FGFR4: variants seen among roughly 807,000 people sequenced by gnomAD.
FGFR4 encodes the protein fibroblast growth factor receptor 4.
In FGFR4, 63 loss-of-function variants were observed where a neutral mutation model predicts 89.9. The observed-to-expected ratio is 0.70, with a 90% CI of 0.57 to 0.86. The LOEUF (loss-of-function observed/expected upper bound fraction) is 0.86, where lower values mean the gene tolerates loss of function less well. Ranked by LOEUF, FGFR4 falls within the 40% of genes least tolerant of loss-of-function variation. The probability of loss-of-function intolerance (pLI) is 0.00; values close to 1 mark genes in which losing one functional copy is unlikely to be tolerated. For missense variants in FGFR4, 928 were observed against 1,106.7 expected (o/e 0.84, Z 2.29); for synonymous variants, 486 against 479.4 (o/e 1.01, Z -0.18).
rs1784366431 is a variant in FGFR4, at chr5:177,091,530, C to T, written c.604-155C>T. ...GCTCAAGCGCCCTGGGGAGCCTACTCCTTTGTGCCATAGTCCTTGGCCTGG... is the reference window on the plus strand; with the variant it reads ...GCTCAAGCGCCCTGGGGAGCCTACTTCTTTGTGCCATAGTCCTTGGCCTGG... On this transcript the variant is annotated intron_variant, in intron 5 of 17. Transcript: ENST00000292408. 1.3e-5 allele frequency among the ~76,000 whole-genome samples: 2 copies of T among 152,352 alleles called. 1 individual carries two copies. The highest frequency in any genetic ancestry group is 6.8e-3 in the Middle Eastern group (2 of 294).
chr5:177,092,989 G>A (rs1784420763), intron 8 of FGFR4, 149 bp from the exon 9 acceptor site: 3 of 1,290,238 alleles, frequency 2.3e-6, no homozygotes, highest in Non-Finnish European at 3.3e-6. Flanking sequence ...CTGAGGTGTG[G>A]GTGCCTGGGA....
rs953406108 is a variant in FGFR4 at position 177,095,531 on chromosome 5, A to G, written c.1631-2A>G. 1.9e-6 allele frequency: 3 copies of G among 1,611,620 alleles called. No homozygotes were observed. Among genetic ancestry groups the G allele is most frequent in the Admixed American group, 1.7e-5 (1 of 59,806 alleles). On this transcript the variant is annotated splice_acceptor_variant, in intron 12 of 17. Transcript: ENST00000292408. LOFTEE classifies it high-confidence loss of function. This position sits in a 1 kb window ranked among gnomAD's most constrained non-coding sequence, Gnocchi z 5.7. ...TCCACGCTCCCTCCACTCCCTCTGC[A>G]GGGCCCCTGTACGTGATCGTGGAGT... is the stretch of plus-strand genomic sequence containing the variant.
chr5:177,096,015 A>G, intron 13 of FGFR4, 42 bp from the exon 14 acceptor site: 1 of 1,597,878 alleles, frequency 6.3e-7, no homozygotes, highest in Non-Finnish European at 8.5e-7. Context: ...GCTCAACTCC[A>G]GGCCAGGTGT....
chr5:177,090,648 C>T lies in FGFR4; in HGVS notation c.350C>T (p.Thr117Ile), dbSNP rs144853017. The T allele has an allele frequency of 4.6e-6, 7 of 1,522,940 alleles. No individual in the cohort carries two copies. In the African/African-American group the frequency reaches 8.4e-5, roughly 18 times the overall value. 94.3% of individuals were successfully genotyped at this position (1,522,940 alleles called of 1,614,324 possible). A position where few individuals can be genotyped will look rare whatever the true frequency, so the allele number is the denominator to read the frequency against. The change falls in exon 3 of 18, where the codon ACA (threonine) becomes ATA (isoleucine). Residue 117 changes from threonine to isoleucine, a missense_variant. Coordinates refer to ENST00000292408, the MANE Select transcript of FGFR4 (RefSeq NM_213647.3). The stretch of plus-strand genomic sequence containing the variant: ...GTCCTGCAGAATCTCACCTTGATTA[C>T]AGGTGGTAAGAGACTCTAGCAGGGA... Reference protein sequence around the residue: ...MIVLQNLTLITGDSLTSSNDD... With the variant: ...MIVLQNLTLIIGDSLTSSNDD...
rs1158627936 is a variant in FGFR4, at chr5:177,087,286, G to A, written c.-54+209G>A. On this transcript the variant is annotated intron_variant, in intron 1 of 17. Coordinates refer to ENST00000292408, the MANE Select transcript of FGFR4 (RefSeq NM_213647.3). This position sits in a 1 kb window ranked among gnomAD's most constrained non-coding sequence, Gnocchi z 6.1. ...CAAAGAGCACCCCGGCCGCGGAGCT[G>A]GTTACTCATTGCCCACCGAGGCGGG... 6.6e-6 allele frequency: 1 copy of A among 152,400 alleles called. No individual in the cohort carries two copies. The highest frequency in any genetic ancestry group is 1.9e-4 in the East Asian group (1 of 5,192). 9.4% of individuals were successfully genotyped at this position (152,400 alleles called of 1,614,324 possible).
At chr5:177,094,998 CA>C in intron 11 of FGFR4, 1 of 297,198 alleles carries the variant, frequency 3.4e-6, no homozygotes, top group Middle Eastern at 1.1e-3. Flanking sequence ...CCTCCAGCGG[CA>C]GCTTCCTTCC....
At position 177,095,178 on chromosome 5, in the gene FGFR4, T is replaced by C; in HGVS notation, c.1520-152T>C. The C allele has an allele frequency of 1.5e-6, 1 of 666,046 alleles. No homozygotes were observed. The highest frequency in any genetic ancestry group is 2.7e-6 in the Non-Finnish European group (1 of 366,478). 41.3% of individuals were successfully genotyped at this position (666,046 alleles called of 1,614,324 possible). A position where few individuals can be genotyped will look rare whatever the true frequency, so the allele number is the denominator to read the frequency against. On this transcript the variant is annotated intron_variant, in intron 11 of 17. Transcript: ENST00000292408. The surrounding 1 kb of genome is among the most constrained non-coding windows in gnomAD (Gnocchi z 5.7). ...AGACGAACCTGAGGTTCAGAGACGC[T>C]AGGAGACTTTTTCAAGGCCACACAG... is the stretch of plus-strand genomic sequence containing the variant.
chr5:177,097,566 T>C lies in FGFR4; in HGVS notation c.2299T>C (p.Ser767Pro). ...LRLTFGPYSP[S>P]GGDASSTCSS... ...CCTGACCTTCGGACCCTATTCCCCC[T>C]CTGGTGGGGACGCCAGCAGCACCTG... The change falls in exon 18 of 18, where the codon TCT becomes CCT. Residue 767 changes from serine to proline, a missense_variant. Coordinates refer to ENST00000292408, the MANE Select transcript of FGFR4 (RefSeq NM_213647.3). The C allele has an allele frequency of 6.2e-7, 1 of 1,613,962 alleles. No individual in the cohort carries two copies. Among genetic ancestry groups the C allele is most frequent in the Non-Finnish European group, 8.5e-7 (1 of 1,179,974 alleles).
Position 177,095,366 on chromosome 5 carries a change from C to T in FGFR4, c.1556C>T (p.Ser519Leu), listed in dbSNP as rs1562074301. The change falls in exon 12 of 18, where the codon TCG (serine) becomes TTG (leucine). Residue 519 changes from serine (S) to leucine (L), a missense_variant. Transcript: ENST00000292408. This position sits in a 1 kb window ranked among gnomAD's most constrained non-coding sequence, Gnocchi z 5.7. ...ASDKDLADLV[S>L]EMEVMKLIGR... ...GACAAGGACCTGGCCGACCTGGTCT[C>T]GGAGATGGAGGTGATGAAGCTGATC... 4 of 1,614,166 alleles carry T rather than the reference C, an allele frequency of 2.5e-6. No homozygotes were observed. Among genetic ancestry groups the T allele is most frequent in the Non-Finnish European group, 3.4e-6 (4 of 1,180,022 alleles).
chr5:177,094,537 G>T lies in FGFR4; in HGVS notation c.1519+762G>T, dbSNP rs996648473. ...TCAGCCTCCCTTGGACCCTCCCTAG[G>T]TCTGCCCCCCACGTCCACTGCTGTA... On this transcript the variant is annotated intron_variant, in intron 11 of 17. Coordinates refer to ENST00000292408, the MANE Select transcript of FGFR4 (RefSeq NM_213647.3). 4.0e-5 allele frequency among the ~76,000 whole-genome samples: 6 copies of T among 151,658 alleles called. No homozygotes were observed. The South Asian group carries it at 1.3e-3, about 32-fold the overall frequency.
chr5:177,097,504 C>T (rs745483305), intron 17 of FGFR4, 23 bp from the exon 18 acceptor site: 1 of 1,608,476 alleles, frequency 6.2e-7, no homozygotes, highest in African/African-American at 1.3e-5. Context: ...GCTGCAGAGG[C>T]TGACCAGCTC....
rs924965465 is a variant in FGFR4, at chr5:177,091,824, G to A, written c.727+16G>A. The A allele has an allele frequency of 1.9e-6, 3 of 1,613,732 alleles. No homozygotes were observed. In the African/African-American group the frequency reaches 4.0e-5, roughly 22 times the overall value. ...GATGTGCTGGGTGAGCGCGGGGCTG[G>A]GAACAGGGGAGGCCTGACCCATTTT... On this transcript the variant is annotated intron_variant, in intron 6 of 17. Transcript: ENST00000292408.
intron 6 of FGFR4, 150 bp downstream of exon 6, chr5:177,091,958 T>C (rs1310491172): frequency 9.5e-7 from 1 of 1,056,676 alleles, no homozygotes; most frequent in Non-Finnish European, 1.4e-6. Flanking sequence ...CAGGGGTTAG[T>C]GTGGGGCTGG....
intron 16 of FGFR4, among the ~76,000 whole-genome samples, 161 bp downstream of exon 16, chr5:177,096,902 C>T (rs866509866): frequency 6.3e-4 from 71 of 112,272 alleles, no homozygotes; most frequent in Middle Eastern, 4.5e-3. Context: ...CCTCCTCCTC[C>T]TCTTCCTCCT....
intron 14 of FGFR4, 49 bp downstream of exon 14, chr5:177,096,228 C>A (rs747444706): frequency 6.2e-7 from 1 of 1,612,912 alleles, no homozygotes; most frequent in Non-Finnish European, 8.5e-7. Flanking sequence ...GCACTGGGCC[C>A]GGGGTGGCAG....
At chr5:177,096,505 C>A in intron 15 of FGFR4, 99 bp from the exon 16 acceptor site, 1 of 1,539,076 alleles carries the variant, frequency 6.5e-7, no homozygotes, top group Non-Finnish European at 8.9e-7. Flanking sequence ...GGAGCCCATT[C>A]CCCAACAGCT....
At position 177,095,144 on chromosome 5, in the gene FGFR4, T is replaced by G. The variant is rs571525631; in HGVS notation, c.1520-186T>G. ...AGGCAGGGTGTGACCCACTGCTCTG[T>G]TTCCCACAAGACGAACCTGAGGTTC... is the stretch of plus-strand genomic sequence containing the variant. On this transcript the variant is annotated intron_variant, in intron 11 of 17. Transcript: ENST00000292408. The surrounding 1 kb of genome is among the most constrained non-coding windows in gnomAD (Gnocchi z 5.7). The G allele has an allele frequency of 6.3e-5, 38 of 607,090 alleles. No individual in the cohort carries two copies. The highest frequency in any genetic ancestry group is 5.1e-4 in the African/African-American group (28 of 54,400). 37.6% of individuals were successfully genotyped at this position (607,090 alleles called of 1,614,324 possible).
rs979823767 is a variant in FGFR4, at chr5:177,095,091, A to G, written c.1520-239A>G. ...AAGGCCTGCCTCTTAGATCCTTGAT[A>G]CAGTTGCATCCTTGCAACTGCTGTG... On this transcript the variant is annotated intron_variant, in intron 11 of 17. Transcript: ENST00000292408. This position sits in a 1 kb window ranked among gnomAD's most constrained non-coding sequence, Gnocchi z 5.7. 1.9e-6 allele frequency: 1 copy of G among 521,042 alleles called. No individual in the cohort carries two copies. Among genetic ancestry groups the G allele is most frequent in the Non-Finnish European group, 3.5e-6 (1 of 285,436 alleles). The allele number at this position is 521,042 out of a possible 1,614,324, so 32.3% of individuals were successfully genotyped here.
rs751104622 is a variant in FGFR4 at position 177,095,626 on chromosome 5, A to T, written c.1724A>T (p.Asp575Val). The change falls in exon 13 of 18, where the codon GAC becomes GTC. Residue 575 changes from aspartate (D) to valine (V), a missense_variant. By Grantham distance (152) the Asp-to-Val change is radical. This residue lies in a region of FGFR4 where 741 missense variants were observed against 836.9 expected (regional missense o/e 0.89). Transcript: ENST00000292408. The surrounding 1 kb of genome is among the most constrained non-coding windows in gnomAD (Gnocchi z 5.7). ...RRPPGPDLSP[D>V]GPRSSEGPLS... ...CCCCCAGGCCCCGACCTCAGCCCCG[A>T]CGGTCCTCGGAGCAGTGAGGGGCCG... 3.7e-6 allele frequency: 6 copies of T among 1,605,854 alleles called. No homozygotes were observed. Among genetic ancestry groups the T allele is most frequent in the Middle Eastern group, 2.2e-4 (1 of 4,562 alleles).
Sources: gnomAD v4.1 joint callset for allele counts (sites outside exome capture counted in the v4.1 genomes callset) on GRCh38, gnomAD v4.1.1 for gene constraint, gnomAD v4.1.1 regional missense constraint, Gnocchi (gnomAD v3.1) non-coding constraint, MANE v1.5 for transcripts, NCBI Gene and HGNC (gene_info 2026-07-23, HGNC 2026-07-21) for gene names.